HMBOX1: variants seen among roughly 807,000 people sequenced by gnomAD.
HMBOX1 encodes homeobox containing 1.
A neutral mutation model predicts 54.5 loss-of-function variants in HMBOX1; 14 were observed. The ratio of observed to expected loss-of-function variants is 0.26; its 90% CI spans 0.17 to 0.40. HMBOX1 has a LOEUF of 0.40. HMBOX1 is among the 10% of genes least tolerant of loss of function. The pLI is 1.00. For synonymous variants in HMBOX1, 160 were observed against 181.0 expected, an observed-to-expected ratio of 0.88 and a Z score of 0.93; for missense variants, 332 against 514.4, an observed-to-expected ratio of 0.65 and a Z score of 3.43.
intron 1 of HMBOX1, among the ~76,000 whole-genome samples, chr8:28,936,064 A>G (rs1820354752): frequency 6.6e-6 from 1 of 152,118 alleles, no homozygotes; most frequent in Non-Finnish European, 1.5e-5. Context: ...CACCATTGTT[A>G]TTATACATAG....
intron 5 of HMBOX1, among the ~76,000 whole-genome samples, chr8:29,012,058 G>A (rs1264285668): frequency 1.3e-5 from 2 of 152,142 alleles, no homozygotes; most frequent in East Asian, 3.8e-4. Flanking sequence ...GAGATAAGAG[G>A]GTAAGTTCGT....
intron 6 of HMBOX1, among the ~76,000 whole-genome samples, chr8:29,035,621 C>T (rs191332902): frequency 4.6e-5 from 7 of 152,310 alleles, no homozygotes; most frequent in East Asian, 1.9e-4. Context: ...TTAGGTACCA[C>T]GGTTTCCGCT....
chr8:28,959,802 T>C (rs1243526931), intron 1 of HMBOX1, among the ~76,000 whole-genome samples: 1 of 152,198 alleles, frequency 6.6e-6, no homozygotes, highest in Non-Finnish European at 1.5e-5. Flanking sequence ...TTCTATAGAT[T>C]CTTAATTACC....
chr8:28,970,305 G>A lies in HMBOX1; in HGVS notation c.286G>A (p.Gly96Arg). The change falls in exon 3 of 10, where the codon GGA becomes AGA. Residue 96 changes from glycine to arginine, a missense_variant. Physicochemically the swap from Gly to Arg is moderately radical, Grantham distance 125. Transcript: ENST00000287701. The surrounding 1 kb of genome is among the most constrained non-coding windows in gnomAD (Gnocchi z 4.3). ...ATASTQTQHS[G>R]MSPSPSNSYD... ...AGCTTCCACACAGACGCAGCATTCG[G>A]GAATGTCCCCGTCACCTAGCAACAG... is the stretch of plus-strand genomic sequence containing the variant. The A allele has an allele frequency of 6.2e-7, 1 of 1,614,158 alleles. No individual in the cohort carries two copies.
chr8:28,977,483 A>C (rs1443497469), intron 3 of HMBOX1, among the ~76,000 whole-genome samples: 2 of 152,244 alleles, frequency 1.3e-5, no homozygotes, highest in Non-Finnish European at 2.9e-5. Flanking sequence ...TGCTGAAGTT[A>C]TCTCTTGTAC....
intron 1 of HMBOX1, among the ~76,000 whole-genome samples, chr8:28,959,777 G>T (rs1825136719): frequency 6.6e-6 from 1 of 152,126 alleles, no homozygotes; most frequent in Non-Finnish European, 1.5e-5. Context: ...GAACTCAGCT[G>T]ATTTTGATGC....
chr8:29,031,909 G>A (rs550548992), intron 6 of HMBOX1, among the ~76,000 whole-genome samples: 1 of 152,142 alleles, frequency 6.6e-6, no homozygotes, highest in African/African-American at 2.4e-5. Flanking sequence ...CAGTGGAGTG[G>A]GGTCCTGGAG....
At chr8:28,971,041 T>C (rs1296920383) in intron 3 of HMBOX1, among the ~76,000 whole-genome samples, 1 of 149,688 alleles carries the variant, frequency 6.7e-6, no homozygotes, top group Non-Finnish European at 1.5e-5. Context: ...TTGTCTTTTA[T>C]AAGTGTAAGA....
rs939504352 is a variant in HMBOX1, at chr8:29,051,091, C to G, written c.1199C>G (p.Thr400Ser). 1.9e-6 allele frequency: 3 copies of G among 1,613,814 alleles called. No individual in the cohort carries two copies. Among genetic ancestry groups the G allele is most frequent in the East Asian group, 2.2e-5 (1 of 44,870 alleles). ...LAVEMAAVNHTILALARQGAN... is the reference protein window; with the variant it reads ...LAVEMAAVNHSILALARQGAN... ...GTGGAAATGGCAGCAGTCAACCACACTATCTTGGCATTGGCCCGACAAGGA... is the reference window on the plus strand; with the variant it reads ...GTGGAAATGGCAGCAGTCAACCACAGTATCTTGGCATTGGCCCGACAAGGA... Residue 400 changes from threonine (T) to serine (S), a missense_variant, in exon 10 of 10, where the codon ACT (threonine) becomes AGT (serine). By Grantham distance (58) the Thr-to-Ser change is moderately conservative. Around this residue, in one of 4 missense-constraint regions of HMBOX1, gnomAD observed 69 missense variants for 104.6 expected, o/e 0.66. Transcript: ENST00000287701.
chr8:29,031,910 G>A (rs1803031361), intron 6 of HMBOX1, among the ~76,000 whole-genome samples: 1 of 152,130 alleles, frequency 6.6e-6, no homozygotes, highest in Non-Finnish European at 1.5e-5. Flanking sequence ...AGTGGAGTGG[G>A]GTCCTGGAGA....
chr8:28,957,207 T>A (rs1381975649), intron 1 of HMBOX1, among the ~76,000 whole-genome samples: 1 of 152,174 alleles, frequency 6.6e-6, no homozygotes, highest in Admixed American at 6.5e-5. Flanking sequence ...AATGTACATT[T>A]ATGCCATGGA....
At chr8:28,958,735 T>G (rs1824929288) in intron 1 of HMBOX1, among the ~76,000 whole-genome samples, 1 of 152,194 alleles carries the variant, frequency 6.6e-6, no homozygotes, top group Admixed American at 6.5e-5. Flanking sequence ...TTTTAGTGTT[T>G]TGCTGTTTAG....
At chr8:29,018,671 C>T (rs1010488071) in intron 5 of HMBOX1, 89 bp from the exon 6 acceptor site, 66 of 1,324,270 alleles carry the variant, frequency 5.0e-5, no homozygotes, top group Non-Finnish European at 6.9e-5. Context: ...AAGCCAAAGA[C>T]CATACTTCCC....
intron 1 of HMBOX1, among the ~76,000 whole-genome samples, chr8:28,947,178 A>G (rs1321337270): frequency 6.6e-6 from 1 of 152,204 alleles, no homozygotes; most frequent in African/African-American, 2.4e-5. Context: ...TTAGCAAGGC[A>G]ATATAAAATG....
At chr8:28,937,713 A>ACC (rs1382244378) in intron 1 of HMBOX1, among the ~76,000 whole-genome samples, 1 of 152,242 alleles carries the variant, frequency 6.6e-6, no homozygotes, top group Non-Finnish European at 1.5e-5. Flanking sequence ...AGAGAAGAAT[A>ACC]AACATGGCCA....
chr8:28,970,154 T>G lies in HMBOX1; in HGVS notation c.135T>G (p.His45Gln), dbSNP rs368975966. ...GAATGACTAAACATGAAATTCTCCATGCCTTGGAAACTTTGGACCGTCTTG... is the reference window on the plus strand; with the variant it reads ...GAATGACTAAACATGAAATTCTCCAGGCCTTGGAAACTTTGGACCGTCTTG... ...RTGMTKHEIL[H>Q]ALETLDRLDQ... The change falls in exon 3 of 10, where the codon CAT (histidine) becomes CAG (glutamine). Residue 45 changes from histidine (H) to glutamine (Q), a missense_variant. Around this residue, in one of 4 missense-constraint regions of HMBOX1, gnomAD observed 146 missense variants for 173.3 expected, o/e 0.84. Coordinates refer to ENST00000287701, the MANE Select transcript of HMBOX1 (RefSeq NM_001135726.3). This position sits in a 1 kb window ranked among gnomAD's most constrained non-coding sequence, Gnocchi z 4.3. 3 of 1,614,188 alleles carry G rather than the reference T, an allele frequency of 1.9e-6. No individual in the cohort carries two copies. The South Asian group carries it at 3.3e-5, about 18-fold the overall frequency.
At chr8:28,940,378 A>G (rs947925582) in intron 1 of HMBOX1, among the ~76,000 whole-genome samples, 1 of 152,060 alleles carries the variant, frequency 6.6e-6, no homozygotes, top group African/African-American at 2.4e-5. Flanking sequence ...TCCTTTCCCA[A>G]CCTCTCTGAC....
Position 29,051,386 on chromosome 8 carries a change from C to A in HMBOX1, c.*231C>A. On this transcript the variant is annotated 3_prime_UTR_variant, in exon 10 of 10. Coordinates refer to ENST00000287701, the MANE Select transcript of HMBOX1 (RefSeq NM_001135726.3). Reference sequence around the variant, plus strand: ...CAACCAACCAACCAAACTTCCCTCTCCCAGCCCCCGAGGCTAGAAAATCTT... The same window carrying A: ...CAACCAACCAACCAAACTTCCCTCTACCAGCCCCCGAGGCTAGAAAATCTT... The A allele has an allele frequency of 1.6e-6, 1 of 639,370 alleles. No individual in the cohort carries two copies. The highest frequency in any genetic ancestry group is 2.8e-6 in the Non-Finnish European group (1 of 353,594). 39.6% of individuals were successfully genotyped at this position (639,370 alleles called of 1,614,324 possible). A position where few individuals can be genotyped will look rare whatever the true frequency, so the allele number is the denominator to read the frequency against.
At chr8:29,038,296 C>T (rs1169676033) in intron 6 of HMBOX1, among the ~76,000 whole-genome samples, 1 of 152,168 alleles carries the variant, frequency 6.6e-6, no homozygotes, top group Admixed American at 6.5e-5. Context: ...TGGTTTCTCC[C>T]TGTGAAGACA....
Sources: gnomAD v4.1 joint callset for allele counts (sites outside exome capture counted in the v4.1 genomes callset) on GRCh38, gnomAD v4.1.1 for gene constraint, gnomAD v4.1.1 regional missense constraint, Gnocchi (gnomAD v3.1) non-coding constraint, MANE v1.5 for transcripts, NCBI Gene and HGNC (gene_info 2026-07-23, HGNC 2026-07-21) for gene names.